Variants in RGS6 observed in about 807,000 individuals in gnomAD.
RGS6 encodes the protein regulator of G-protein signaling 6.
Under a neutral mutation model 78.5 loss-of-function variants are expected in RGS6, and 30 were observed. The observed-to-expected ratio is 0.38, with a 90% CI of 0.29 to 0.52. RGS6 has a LOEUF of 0.52. RGS6 is among the 20% of genes least tolerant of loss of function. The pLI is 0.85. For synonymous variants in RGS6, 206 were observed against 206.0 expected (o/e 1.00, Z 0.00); for missense variants, 495 against 609.7 (o/e 0.81, Z 1.98).
chr14:72,041,691 T>TG (rs759848077), intron 2 of RGS6, among the ~76,000 whole-genome samples: 1 of 152,246 alleles, frequency 6.6e-6, no homozygotes, highest in Non-Finnish European at 1.5e-5. Context: ...TTAATTCTGC[T>TG]GTTCTTCACT....
the RGS6 span, among the ~76,000 whole-genome samples, chr14:72,611,935 G>A: frequency 6.6e-6 from 1 of 152,168 alleles, no homozygotes; most frequent in Non-Finnish European, 1.5e-5. Flanking sequence ...AATCACGATT[G>A]CTTGGCAGAG....
chr14:72,270,674 C>G (rs562056351), intron 2 of RGS6, among the ~76,000 whole-genome samples: 1 of 152,314 alleles, frequency 6.6e-6, no homozygotes, highest in Non-Finnish European at 1.5e-5. Flanking sequence ...TGCCTGTCAA[C>G]CAGGACTGAA....
chr14:72,106,153 T>C lies in RGS6; in HGVS notation c.84+141278T>C, dbSNP rs188332230. 7.2e-4 allele frequency among the ~76,000 whole-genome samples: 109 copies of C among 152,334 alleles called. 1 individual carries two copies. The highest frequency in any genetic ancestry group is 1.3e-3 in the Non-Finnish European group (86 of 68,032). On this transcript the variant is annotated intron_variant, in intron 2 of 17. Transcript: ENST00000553525. Reference sequence around the variant, plus strand: ...ATAATAAGGCAATATTCTCATGATATTGATAAGAACTTTTTTTCTAAGTTC... The same window carrying C: ...ATAATAAGGCAATATTCTCATGATACTGATAAGAACTTTTTTTCTAAGTTC...
the RGS6 span, among the ~76,000 whole-genome samples, chr14:71,917,507 A>C: frequency 1.3e-5 from 2 of 152,184 alleles, no homozygotes; most frequent in Non-Finnish European, 2.9e-5. Context: ...AGGTTTGGGG[A>C]GATGGGAAGC....
At chr14:72,096,864 T>C (rs2095419503) in intron 2 of RGS6, among the ~76,000 whole-genome samples, 1 of 152,226 alleles carries the variant, frequency 6.6e-6, no homozygotes. Flanking sequence ...GCATGGTTCA[T>C]TAGGGACCAA....
chr14:72,252,232 A>G (rs2055988014), intron 2 of RGS6, among the ~76,000 whole-genome samples: 1 of 129,480 alleles, frequency 7.7e-6, no homozygotes, highest in South Asian at 2.8e-4. Flanking sequence ...TGTCAAATGT[A>G]TGTGTGGGCT....
At chr14:72,203,054 T>C (rs557018211) in intron 2 of RGS6, among the ~76,000 whole-genome samples, 3 of 152,150 alleles carry the variant, frequency 2.0e-5, no homozygotes, top group African/African-American at 7.2e-5. Context: ...TTTTGTATTT[T>C]TTAGTGGAGA....
At chr14:72,113,848 G>T (rs1342801245) in intron 2 of RGS6, among the ~76,000 whole-genome samples, 1 of 152,186 alleles carries the variant, frequency 6.6e-6, no homozygotes, top group Non-Finnish European at 1.5e-5. Context: ...GAAGAACATT[G>T]CTCATAATGA....
At chr14:72,217,358 G>A in intron 2 of RGS6, among the ~76,000 whole-genome samples, 1 of 152,166 alleles carries the variant, frequency 6.6e-6, no homozygotes, top group African/African-American at 2.4e-5. Context: ...AAGACTGCCT[G>A]GATATTAAGA....
chr14:72,318,002 G>A (rs1261114700), intron 2 of RGS6, among the ~76,000 whole-genome samples: 1 of 152,088 alleles, frequency 6.6e-6, no homozygotes, highest in Non-Finnish European at 1.5e-5. Flanking sequence ...ATTCAGTGGG[G>A]GCAACTGTAC....
chr14:72,319,236 TAAAG>T (rs1458478989), intron 2 of RGS6, among the ~76,000 whole-genome samples: 1 of 152,014 alleles, frequency 6.6e-6, no homozygotes, highest in African/African-American at 2.4e-5. Flanking sequence ...CTTGACGACT[TAAAG>T]AAACCACCAA....
At chr14:72,092,915 C>G (rs1440752148) in intron 2 of RGS6, among the ~76,000 whole-genome samples, 1 of 152,064 alleles carries the variant, frequency 6.6e-6, no homozygotes, top group Non-Finnish European at 1.5e-5. Flanking sequence ...ACCTAGTTTC[C>G]TTTTTCTATT....
chr14:72,190,425 G>C (rs2097308191), intron 2 of RGS6, among the ~76,000 whole-genome samples: 1 of 152,238 alleles, frequency 6.6e-6, no homozygotes, highest in Non-Finnish European at 1.5e-5. Context: ...GTTGGAGACA[G>C]CTTTTGCTTG....
chr14:72,371,974 C>T (rs1431557154), intron 3 of RGS6, among the ~76,000 whole-genome samples: 2 of 152,070 alleles, frequency 1.3e-5, no homozygotes, highest in African/African-American at 4.8e-5. Context: ...ACACTAAAAT[C>T]GCTGGATGAG....
At chr14:72,493,575 G>A (rs2096606344) in intron 12 of RGS6, among the ~76,000 whole-genome samples, 1 of 152,060 alleles carries the variant, frequency 6.6e-6, no homozygotes, top group Non-Finnish European at 1.5e-5. Flanking sequence ...TAAAATTCCT[G>A]ATAATTATTT....
At chr14:72,219,831 G>A (rs1458224752) in intron 2 of RGS6, among the ~76,000 whole-genome samples, 3 of 151,890 alleles carry the variant, frequency 2.0e-5, no homozygotes, top group Non-Finnish European at 4.4e-5. Context: ...TTAAAATCTT[G>A]ACTCCATCCA....
chr14:72,484,667 A>G (rs753572176), intron 12 of RGS6, among the ~76,000 whole-genome samples: 4 of 152,132 alleles, frequency 2.6e-5, no homozygotes. Context: ...TGTTTACTAA[A>G]TTCTCTTTCA....
chr14:72,298,045 G>A (rs971870416), intron 2 of RGS6, among the ~76,000 whole-genome samples: 1 of 151,826 alleles, frequency 6.6e-6, no homozygotes, highest in Non-Finnish European at 1.5e-5. Context: ...TTACATACTG[G>A]TCATTTCCTG....
intron 2 of RGS6, among the ~76,000 whole-genome samples, chr14:72,227,206 C>T (rs2048332093): frequency 6.6e-6 from 1 of 152,212 alleles, no homozygotes; most frequent in Non-Finnish European, 1.5e-5. Flanking sequence ...AAACTTCTCA[C>T]TTTATTTTGA....
Sources: allele counts gnomAD v4.1 joint callset (sites outside exome capture counted in the v4.1 genomes callset), GRCh38; gene constraint gnomAD v4.1.1; transcripts MANE v1.5; gene names NCBI Gene and HGNC (gene_info 2026-07-23, HGNC 2026-07-21).